NBAS: variants seen among roughly 807,000 people sequenced by gnomAD.
NBAS encodes the protein NAG/BC035112 fusion.
NBAS carries 219 observed loss-of-function variants against 302.5 expected under a neutral mutation model. That is an observed-to-expected ratio of 0.72 (90% CI 0.65 to 0.81). The LOEUF (loss-of-function observed/expected upper bound fraction) is 0.81, where lower values mean the gene tolerates loss of function less well. Among genes scored for constraint, NBAS ranks in the 30% least tolerant of loss-of-function variants. NBAS has a pLI of 0.00. For missense variants in NBAS, 2,932 were observed against 2,841.6 expected, an observed-to-expected ratio of 1.03 and a Z score of -0.72; for synonymous variants, 1,118 against 1,021.6, an observed-to-expected ratio of 1.09 and a Z score of -1.80.
At chr2:15,101,057 A>C in the NBAS span, among the ~76,000 whole-genome samples, 2 of 152,244 alleles carry the variant, frequency 1.3e-5, no homozygotes, top group Admixed American at 6.5e-5. Flanking sequence ...TGGCATTGAA[A>C]AATGAGAATC....
chr2:15,099,208 C>A, the NBAS span, among the ~76,000 whole-genome samples: 31 of 152,068 alleles, frequency 2.0e-4, no homozygotes, highest in African/African-American at 6.7e-4. Flanking sequence ...AAGGCTGAGG[C>A]AGGAGAATGG....
chr2:15,279,463 C>T lies in NBAS; in HGVS notation c.5139-2362G>A, dbSNP rs77693667. 5.5e-3 allele frequency among the ~76,000 whole-genome samples: 843 copies of T among 152,226 alleles called. 8 individuals are homozygous for T. The highest frequency in any genetic ancestry group is 5.5e-3 in the Non-Finnish European group (372 of 68,006). ...AGTTCTCTCTCCCAGCAGCAATAAT[C>T]GAAAAGAGTTCTCCTGTCATACTTC... On this transcript the variant is annotated intron_variant, in intron 42 of 51. Coordinates refer to ENST00000281513, the MANE Select transcript of NBAS (RefSeq NM_015909.4).
At chr2:15,336,042 G>A (rs1672567616) in intron 35 of NBAS, among the ~76,000 whole-genome samples, 1 of 151,294 alleles carries the variant, frequency 6.6e-6, no homozygotes, top group South Asian at 2.1e-4. Flanking sequence ...GCTACTGTGA[G>A]CTGTGATCAT....
At chr2:15,360,790 A>C (rs1465520743) in intron 32 of NBAS, among the ~76,000 whole-genome samples, 1 of 152,050 alleles carries the variant, frequency 6.6e-6, no homozygotes, top group African/African-American at 2.4e-5. Context: ...TCCCACTGGA[A>C]GGCCTTCGGG....
At chr2:15,138,299 G>C in the NBAS span, among the ~76,000 whole-genome samples, 13 of 152,204 alleles carry the variant, frequency 8.5e-5, no homozygotes, top group South Asian at 2.5e-3. Context: ...GGCTGGAGCA[G>C]GGAGCACAAG....
At chr2:15,501,584 ATTTTT>A (rs70961416) in intron 11 of NBAS, among the ~76,000 whole-genome samples, 10 of 107,228 alleles carry the variant, frequency 9.3e-5, no homozygotes, top group Non-Finnish European at 1.8e-4. Context: ...TGAACTAAAT[ATTTTT>A]TTTTTTTTTT....
chr2:15,525,424 T>C (rs1662872151), intron 9 of NBAS, among the ~76,000 whole-genome samples: 1 of 152,198 alleles, frequency 6.6e-6, no homozygotes, highest in Admixed American at 6.5e-5. Flanking sequence ...AGCTAGAAAG[T>C]AGGACAACCA....
intron 21 of NBAS, among the ~76,000 whole-genome samples, chr2:15,429,327 T>C (rs1158749630): frequency 6.6e-6 from 1 of 152,356 alleles, no homozygotes; most frequent in South Asian, 2.1e-4. Flanking sequence ...CCTTGCTTTA[T>C]AGCTCAATAA....
the NBAS span, among the ~76,000 whole-genome samples, chr2:15,098,498 T>C: frequency 8.3e-6 from 1 of 120,096 alleles, no homozygotes. Context: ...GTATATAATA[T>C]GTTATATATT....
At chr2:15,223,414 T>C (rs1667033575) in intron 47 of NBAS, among the ~76,000 whole-genome samples, 1 of 152,126 alleles carries the variant, frequency 6.6e-6, no homozygotes, top group African/African-American at 2.4e-5. Context: ...ATAACTTTTA[T>C]AATGTAAAAA....
At chr2:15,310,363 G>A (rs968937159) in intron 38 of NBAS, among the ~76,000 whole-genome samples, 1 of 152,096 alleles carries the variant, frequency 6.6e-6, no homozygotes, top group Non-Finnish European at 1.5e-5. Context: ...CATGTTATCC[G>A]AACCTTAGGA....
intron 21 of NBAS, among the ~76,000 whole-genome samples, chr2:15,443,344 C>T (rs1572860216): frequency 1.3e-5 from 2 of 151,422 alleles, no homozygotes; most frequent in East Asian, 3.9e-4. Flanking sequence ...AAGGCTGGTT[C>T]AATATACGCA....
the NBAS span, among the ~76,000 whole-genome samples, chr2:14,895,336 C>A: frequency 6.6e-6 from 1 of 151,918 alleles, no homozygotes; most frequent in African/African-American, 2.4e-5. Flanking sequence ...AGAAGAAAAC[C>A]TAGAAAAAAA....
intron 44 of NBAS, among the ~76,000 whole-genome samples, chr2:15,267,543 A>G (rs1669134084): frequency 6.6e-6 from 1 of 152,186 alleles, no homozygotes; most frequent in Non-Finnish European, 1.5e-5. Flanking sequence ...AAATGAGTAT[A>G]CCACTTTCTG....
chr2:14,927,778 G>A, the NBAS span, among the ~76,000 whole-genome samples: 1 of 152,184 alleles, frequency 6.6e-6, no homozygotes, highest in African/African-American at 2.4e-5. Flanking sequence ...CTGTGGTGAT[G>A]ATTTGCATTT....
At chr2:15,390,447 A>T (rs1675535562) in intron 28 of NBAS, among the ~76,000 whole-genome samples, 1 of 152,184 alleles carries the variant, frequency 6.6e-6, no homozygotes, top group Non-Finnish European at 1.5e-5. Flanking sequence ...AAAGGGTTGG[A>T]GGGGACAAAT....
intron 38 of NBAS, among the ~76,000 whole-genome samples, chr2:15,313,116 G>A (rs1012737174): frequency 1.1e-4 from 17 of 152,056 alleles, no homozygotes; most frequent in African/African-American, 3.6e-4. Context: ...ATTTCCTATG[G>A]AGCGTTTAAA....
the NBAS span, among the ~76,000 whole-genome samples, chr2:14,946,725 A>G: frequency 6.6e-6 from 1 of 152,206 alleles, no homozygotes; most frequent in African/African-American, 2.4e-5. Flanking sequence ...ACTATTGTAG[A>G]ATAAACCTTT....
chr2:15,204,123 T>C (rs1022288992), intron 48 of NBAS, among the ~76,000 whole-genome samples: 1 of 151,808 alleles, frequency 6.6e-6, no homozygotes, highest in African/African-American at 2.4e-5. Context: ...TAGCCGGGCA[T>C]AGTGGTGCAT....
Sources: allele counts gnomAD v4.1 joint callset (sites outside exome capture counted in the v4.1 genomes callset), GRCh38; gene constraint gnomAD v4.1.1; transcripts MANE v1.5; gene names NCBI Gene and HGNC (gene_info 2026-07-23, HGNC 2026-07-21).